Variants in GRHL2 observed in about 807,000 individuals in gnomAD.
GRHL2 encodes the protein grainyhead like transcription factor 2.
GRHL2 carries 21 observed loss-of-function variants against 83.8 expected under a neutral mutation model. That is an observed-to-expected ratio of 0.25 (90% confidence interval 0.18 to 0.36). GRHL2 has a LOEUF of 0.36. GRHL2 is among the 10% of genes least tolerant of loss of function. The pLI is 1.00. For synonymous variants in GRHL2, 280 were observed against 278.9 expected (o/e 1.00, Z -0.04); for missense variants, 623 against 781.8 (o/e 0.80, Z 2.42).
chr8:101,618,437 T>G (rs1812898273), intron 8 of GRHL2, among the ~76,000 whole-genome samples: 1 of 152,180 alleles, frequency 6.6e-6, no homozygotes, highest in Non-Finnish European at 1.5e-5. Flanking sequence ...TTCACTATAT[T>G]TTCTCTCCTG....
At chr8:101,599,488 A>T (rs1812466210) in intron 8 of GRHL2, among the ~76,000 whole-genome samples, 1 of 152,160 alleles carries the variant, frequency 6.6e-6, no homozygotes, top group Non-Finnish European at 1.5e-5. Flanking sequence ...ACACAGAGAG[A>T]GGAGCTCAGA....
intron 9 of GRHL2, among the ~76,000 whole-genome samples, chr8:101,623,077 A>G (rs1319992999): frequency 2.0e-5 from 3 of 152,266 alleles, no homozygotes; most frequent in Non-Finnish European, 4.4e-5. Context: ...TACTGTTAAC[A>G]TGTCCGAGAG....
intron 12 of GRHL2, among the ~76,000 whole-genome samples, chr8:101,639,155 A>G (rs1111883): frequency 0.041 from 6,239 of 152,274 alleles, 151 homozygotes; most frequent in East Asian, 0.096. Flanking sequence ...TTAGATGGCC[A>G]TCGACCTACT....
intron 12 of GRHL2, among the ~76,000 whole-genome samples, chr8:101,638,872 G>A (rs534708771): frequency 6.6e-6 from 1 of 152,312 alleles, no homozygotes; most frequent in African/African-American, 2.4e-5. Context: ...TCTGAGCTCA[G>A]GAAGCCCAAG....
intron 1 of GRHL2, among the ~76,000 whole-genome samples, chr8:101,518,972 T>C (rs1227758430): frequency 6.6e-6 from 1 of 152,208 alleles, no homozygotes; most frequent in African/African-American, 2.4e-5. Context: ...CCTCGTCTGT[T>C]GGAATGTATG....
intron 1 of GRHL2, among the ~76,000 whole-genome samples, chr8:101,504,192 A>T (rs1810288229): frequency 6.6e-6 from 1 of 152,156 alleles, no homozygotes; most frequent in Non-Finnish European, 1.5e-5. Flanking sequence ...CTGTCCCAGG[A>T]ATGCCACGCT....
chr8:101,611,298 C>CA (rs1812745035), intron 8 of GRHL2, among the ~76,000 whole-genome samples: 1 of 150,968 alleles, frequency 6.6e-6, no homozygotes, highest in African/African-American at 2.5e-5. Context: ...TCTTCTCACC[C>CA]ACCACCTTCA....
At chr8:101,511,488 C>T (rs1586406333) in intron 1 of GRHL2, among the ~76,000 whole-genome samples, 2 of 152,260 alleles carry the variant, frequency 1.3e-5, no homozygotes, top group African/African-American at 4.8e-5. Flanking sequence ...GCTGGGACTA[C>T]AGGCGTGTGC....
At chr8:101,497,177 ACT>A (rs755695403) in intron 1 of GRHL2, among the ~76,000 whole-genome samples, 3 of 152,174 alleles carry the variant, frequency 2.0e-5, no homozygotes, top group Non-Finnish European at 4.4e-5. Flanking sequence ...AAGTGCACAC[ACT>A]CTGGAGGATC....
the GRHL2 span, among the ~76,000 whole-genome samples, chr8:101,677,964 G>C: frequency 1.3e-5 from 2 of 152,020 alleles, no homozygotes; most frequent in East Asian, 3.9e-4. Flanking sequence ...ATATTCTACT[G>C]ACTTACAAAA....
At chr8:101,659,083 T>TA (rs1243731985) in intron 14 of GRHL2, among the ~76,000 whole-genome samples, 7 of 152,156 alleles carry the variant, frequency 4.6e-5, no homozygotes, top group Admixed American at 4.6e-4. Flanking sequence ...ATCAAAATAA[T>TA]AAAAAACCAT....
Position 101,506,835 on chromosome 8 carries a change from CA to C in GRHL2, c.20+14059del, listed in dbSNP as rs10688299. Among the ~76,000 whole-genome samples the C allele has an allele frequency of 7.0e-3, 1,025 of 147,144 alleles. 21 individuals carry two copies. The highest frequency in any genetic ancestry group is 0.023 in the African/African-American group (937 of 40,586). On this transcript the variant is annotated intron_variant, in intron 1 of 15. Transcript: ENST00000646743. Reference sequence around the variant, plus strand: ...AATTGTAATTTGTTTATTTGCAAGGCAAAAAAAAAAAAATTGCAATTTGATA... The same window carrying C: ...AATTGTAATTTGTTTATTTGCAAGGCAAAAAAAAAAAATTGCAATTTGATA...
intron 7 of GRHL2, among the ~76,000 whole-genome samples, chr8:101,592,074 G>A (rs1216402547): frequency 6.6e-6 from 1 of 150,484 alleles, no homozygotes; most frequent in Non-Finnish European, 1.5e-5. Flanking sequence ...CTTAATGACA[G>A]GTACAGCACT....
intron 12 of GRHL2, among the ~76,000 whole-genome samples, chr8:101,642,255 G>C (rs1341088740): frequency 6.6e-6 from 1 of 152,170 alleles, no homozygotes; most frequent in Non-Finnish European, 1.5e-5. Flanking sequence ...GTGTGAAAAA[G>C]TATTTTTGAA....
downstream of GRHL2, among the ~76,000 whole-genome samples, chr8:101,670,291 C>CATG (rs1814184083): frequency 6.6e-6 from 1 of 152,174 alleles, no homozygotes. Flanking sequence ...AACTGCTGTC[C>CATG]ATGATTATCT....
intron 14 of GRHL2, among the ~76,000 whole-genome samples, chr8:101,660,791 T>C (rs983490092): frequency 5.3e-5 from 8 of 152,178 alleles, no homozygotes; most frequent in Non-Finnish European, 1.0e-4. Flanking sequence ...CCAGCTCCGC[T>C]CCTCCCTCTG....
chr8:101,663,614 A>AAAT (rs1813972261), intron 14 of GRHL2, among the ~76,000 whole-genome samples: 1 of 133,868 alleles, frequency 7.5e-6, no homozygotes. Context: ...TCCATCTCAA[A>AAAT]AAATAAATAA....
chr8:101,632,275 C>A lies in GRHL2; in HGVS notation c.1395C>A (p.Ile465=). The A allele has an allele frequency of 1.2e-6, 2 of 1,613,934 alleles. No homozygotes were observed. Among genetic ancestry groups the A allele is most frequent in the Non-Finnish European group, 8.5e-7 (1 of 1,179,836 alleles). Residue 465 remains isoleucine, a synonymous_variant, in exon 11 of 16, where the codon ATC becomes ATA. Coordinates refer to ENST00000646743, the MANE Select transcript of GRHL2 (RefSeq NM_024915.4). Reference sequence around the variant, plus strand: ...TACCTTTACAGAAGAAGAGTGACATCACCTACTTCAAAACCATGCCTGATC... The same window carrying A: ...TACCTTTACAGAAGAAGAGTGACATAACCTACTTCAAAACCATGCCTGATC... ...AAIPLQKKSD[I]TYFKTMPDLH...
At chr8:101,660,039 A>G (rs968411625) in intron 14 of GRHL2, among the ~76,000 whole-genome samples, 1 of 152,208 alleles carries the variant, frequency 6.6e-6, no homozygotes, top group Non-Finnish European at 1.5e-5. Context: ...TTCAATTCTT[A>G]AAAAGGTCTA....
Sources: gnomAD v4.1 joint callset for allele counts (sites outside exome capture counted in the v4.1 genomes callset) on GRCh38, gnomAD v4.1.1 for gene constraint, MANE v1.5 for transcripts, NCBI Gene and HGNC (gene_info 2026-07-23, HGNC 2026-07-21) for gene names.